Variants in SH3YL1 observed in about 807,000 individuals in gnomAD.
SH3YL1 encodes SH3 domain-containing YSC84-like protein 1.
SH3YL1 carries 41 observed loss-of-function variants against 45.8 expected under a neutral mutation model. The ratio of observed to expected loss-of-function variants is 0.89; its 90% CI spans 0.70 to 1.16. SH3YL1 has a LOEUF of 1.16. SH3YL1 is among the 50% of genes most tolerant of loss of function. SH3YL1 has a pLI of 0.00. For missense variants in SH3YL1, 389 were observed against 409.6 expected, an observed-to-expected ratio of 0.95 and a Z score of 0.43; for synonymous variants, 152 against 151.4, an observed-to-expected ratio of 1.00 and a Z score of -0.03.
intron 1 of SH3YL1, among the ~76,000 whole-genome samples, chr2:254,376 C>T (rs911642453): frequency 4.6e-5 from 7 of 152,138 alleles, no homozygotes; most frequent in East Asian, 1.9e-4. Flanking sequence ...TGTTACTGGA[C>T]GAGGGATCAG....
At position 218,831 on chromosome 2, in the gene SH3YL1, T is replaced by C; in HGVS notation, c.1009A>G (p.Asn337Asp). Reference sequence around the variant, plus strand: ...ACGCTTTAATTCATGGTTACGTAGTTGGCTGGAAAAATGCCAGTTTGACCT... The same window carrying C: ...ACGCTTTAATTCATGGTTACGTAGTCGGCTGGAAAAATGCCAGTTTGACCT... ...LRGQTGIFPA[N>D]YVTMN is the part of the protein sequence containing the mutation. The change falls in exon 10 of 10, where the codon AAC (asparagine) becomes GAC (aspartate). Residue 337 changes from asparagine (N) to aspartate (D), a missense_variant. By Grantham distance (23) the Asn-to-Asp change is conservative. Transcript: ENST00000356150. 1 of 1,613,758 alleles carries C rather than the reference T, an allele frequency of 6.2e-7. No individual in the cohort carries two copies. The highest frequency in any genetic ancestry group is 8.5e-7 in the Non-Finnish European group (1 of 1,179,766).
upstream of SH3YL1, chr2:264,120 C>T (rs571510801): frequency 4.0e-3 from 5,010 of 1,241,318 alleles, 23 homozygotes; most frequent in Non-Finnish European, 4.3e-3. Flanking sequence ...GCAAAACACC[C>T]GCCGTGTACG....
chr2:253,349 G>A (rs1315229697), intron 1 of SH3YL1, among the ~76,000 whole-genome samples: 2 of 152,108 alleles, frequency 1.3e-5, no homozygotes, highest in African/African-American at 2.4e-5. Context: ...TACAGGTAAC[G>A]AAGACCTTGC....
Position 232,796 on chromosome 2 carries a change from A to T in SH3YL1, c.533+305T>A, listed in dbSNP as rs1027996795. ...CATTTACAACTGAATATATATGGTG[A>T]TTATCATCATATATGGCAAAACAAA... On this transcript the variant is annotated intron_variant, in intron 6 of 9. Coordinates refer to ENST00000356150, the MANE Select transcript of SH3YL1 (RefSeq NM_015677.4). 1.8e-5 allele frequency: 3 copies of T among 168,582 alleles called. No individual in the cohort carries two copies. In the East Asian group the frequency reaches 4.8e-4, roughly 27 times the overall value. The allele number at this position is 168,582 out of a possible 1,614,324, so 10.4% of individuals were successfully genotyped here.
At position 233,288 on chromosome 2, in the gene SH3YL1, T is replaced by C. The variant is rs1668134640; in HGVS notation, c.405-59A>G. On this transcript the variant is annotated intron_variant, in intron 5 of 9. Coordinates refer to ENST00000356150, the MANE Select transcript of SH3YL1 (RefSeq NM_015677.4). The stretch of plus-strand genomic sequence containing the variant: ...TGAGCAGCTCCAAGCCGAGGATCAC[T>C]ATTTAAATAGCACTCCTTCTAGCTC... 5 of 1,427,342 alleles carry C rather than the reference T, an allele frequency of 3.5e-6. No homozygotes were observed. In the African/African-American group the frequency reaches 5.7e-5, roughly 16 times the overall value. The allele number at this position is 1,427,342 out of a possible 1,614,324, so 88.4% of individuals were successfully genotyped here. A position where few individuals can be genotyped will look rare whatever the true frequency, so the allele number is the denominator to read the frequency against.
intron 4 of SH3YL1, among the ~76,000 whole-genome samples, chr2:235,239 G>A (rs1413366402): frequency 6.6e-6 from 1 of 152,252 alleles, no homozygotes; most frequent in Non-Finnish European, 1.5e-5. Flanking sequence ...GCTCAAGGCA[G>A]GTCAACACAG....
In SH3YL1 at chr2:249,742, A is replaced by T; in HGVS notation, c.215T>A (p.Leu72His). Residue 72 changes from leucine (L) to histidine (H), a missense_variant, in exon 3 of 10, where the codon CTT becomes CAT. By Grantham distance (99) the Leu-to-His change is moderately conservative. Transcript: ENST00000356150. The stretch of plus-strand genomic sequence containing the variant: ...AGACGCCAACTTACTTCCATCTGGA[A>T]GGCGCGCCACTACAATCCCGCTGCC... ...RGGSGIVVARLPDGKWSAPSA... is the reference protein window; with the variant it reads ...RGGSGIVVARHPDGKWSAPSA... 1 of 1,551,138 alleles carries T rather than the reference A, an allele frequency of 6.4e-7. No individual in the cohort carries two copies. Among genetic ancestry groups the T allele is most frequent in the South Asian group, 1.2e-5 (1 of 84,054 alleles).
intron 4 of SH3YL1, among the ~76,000 whole-genome samples, chr2:239,160 A>G (rs921177923): frequency 1.3e-5 from 2 of 152,224 alleles, no homozygotes; most frequent in African/African-American, 2.4e-5. Context: ...GTTAGTTAAG[A>G]GAACTGACCT....
intron 4 of SH3YL1, 91 bp from the exon 5 acceptor site, chr2:234,363 A>G: frequency 1.2e-6 from 1 of 868,170 alleles, no homozygotes; most frequent in Non-Finnish European, 1.8e-6. Flanking sequence ...CACCATATGC[A>G]CTGTAGCAAA....
chr2:238,473 T>C (rs1010346952), intron 4 of SH3YL1, among the ~76,000 whole-genome samples: 9 of 152,222 alleles, frequency 5.9e-5, no homozygotes, highest in Admixed American at 2.0e-4. Flanking sequence ...TAAACCCAAA[T>C]ACCTTCCTCT....
intron 1 of SH3YL1, chr2:262,751 CT>C: frequency 8.4e-7 from 1 of 1,191,664 alleles, no homozygotes; most frequent in Non-Finnish European, 1.1e-6. Flanking sequence ...ATCCTTATTT[CT>C]GCGGAATGAG....
chr2:235,466 C>T (rs1472256116), intron 4 of SH3YL1, among the ~76,000 whole-genome samples: 3 of 42,860 alleles, frequency 7.0e-5, no homozygotes, highest in Admixed American at 5.3e-4. Flanking sequence ...ACAGCATGGG[C>T]CAGGGGAGGC....
chr2:234,689 G>A (rs981841243), intron 4 of SH3YL1, among the ~76,000 whole-genome samples: 3 of 151,992 alleles, frequency 2.0e-5, no homozygotes, highest in Non-Finnish European at 2.9e-5. Context: ...AGCCAAGCCC[G>A]AAGAGCACAG....
chr2:235,660 AGCAGCACGGGCCAGGGGAG>A (rs1216754609), intron 4 of SH3YL1, among the ~76,000 whole-genome samples: 23 of 101,986 alleles, frequency 2.3e-4, no homozygotes, highest in South Asian at 4.3e-4. Context: ...CAGGGGAGGC[AGCAGCACGGGCCAGGGGAG>A]GCAGCATGGG....
intron 8 of SH3YL1, among the ~76,000 whole-genome samples, chr2:227,294 C>T (rs774575232): frequency 3.3e-5 from 5 of 151,846 alleles, no homozygotes; most frequent in Non-Finnish European, 7.4e-5. Context: ...TATTATTTGA[C>T]CTATTATGTC....
upstream of SH3YL1, chr2:264,128 A>G: frequency 8.2e-7 from 1 of 1,226,112 alleles, no homozygotes; most frequent in Middle Eastern, 3.0e-4. Context: ...CCCGCCGTGT[A>G]CGTTTCGCGG....
intron 4 of SH3YL1, chr2:240,500 G>A (rs1668496101): frequency 6.6e-6 from 1 of 152,180 alleles, no homozygotes. Context: ...CTCCATGACA[G>A]CAACAAGCTA....
rs1667949401 is a variant in SH3YL1 at position 229,747 on chromosome 2, A to G, written c.781+219T>C. 19 of 379,650 alleles carry G rather than the reference A, an allele frequency of 5.0e-5. 1 individual carries two copies. In the East Asian group the frequency reaches 8.7e-4, roughly 17 times the overall value. 23.5% of individuals were successfully genotyped at this position (379,650 alleles called of 1,614,324 possible). ...CCGTCTCAAAAAAAAAAAAAAAAAA[A>G]AAGAAAGTGTCTTATGAATAGAAAG... On this transcript the variant is annotated intron_variant, in intron 8 of 9. Transcript: ENST00000356150.
At chr2:252,352 G>A (rs1669104738) in intron 2 of SH3YL1, among the ~76,000 whole-genome samples, 1 of 152,232 alleles carries the variant, frequency 6.6e-6, no homozygotes, top group African/African-American at 2.4e-5. Flanking sequence ...AGGTTAGCTT[G>A]CAGAGTTCTT....
Sources: allele counts gnomAD v4.1 joint callset (sites outside exome capture counted in the v4.1 genomes callset), GRCh38; gene constraint gnomAD v4.1.1; transcripts MANE v1.5; gene names NCBI Gene and HGNC (gene_info 2026-07-23, HGNC 2026-07-21).